PROM1: variants seen among roughly 807,000 people sequenced by gnomAD.
PROM1 encodes prominin-1.
In PROM1, 105 loss-of-function variants were observed where a neutral mutation model predicts 116.9. That is an observed-to-expected ratio of 0.90 (90% CI 0.77 to 1.06). PROM1 has a LOEUF of 1.06. Ranked by LOEUF, PROM1 falls within the 50% of genes least tolerant of loss-of-function variation. The pLI is 0.00. For synonymous variants in PROM1, 393 were observed against 387.0 expected (o/e 1.02, Z -0.18); for missense variants, 1,122 against 1,045.2 (o/e 1.07, Z -1.01).
Position 16,081,320 on chromosome 4 carries a change from A to G in PROM1, c.-213+2658T>C, listed in dbSNP as rs189814984. 4.8e-3 allele frequency among the ~76,000 whole-genome samples: 732 copies of G among 152,286 alleles called. 4 individuals are homozygous for G. Among genetic ancestry groups the G allele is most frequent in the South Asian group, 0.019 (93 of 4,826 alleles). ...ACGGTGCTGGGAAACCTGGCTAGCC[A>G]TATGTAGAAAGCTGAAACTGGATCC... On this transcript the variant is annotated intron_variant, in intron 1 of 27. Coordinates refer to ENST00000447510, the MANE Select transcript of PROM1 (RefSeq NM_006017.3).
chr4:15,983,284 G>A (rs1718428250), intron 23 of PROM1, among the ~76,000 whole-genome samples: 1 of 152,170 alleles, frequency 6.6e-6, no homozygotes, highest in Non-Finnish European at 1.5e-5. Flanking sequence ...TATTCATTGA[G>A]TGCTGATGTT....
chr4:16,026,922 T>TCCCTTA (rs1474805493), intron 5 of PROM1, among the ~76,000 whole-genome samples: 1 of 152,066 alleles, frequency 6.6e-6, no homozygotes, highest in African/African-American at 2.4e-5. Flanking sequence ...CCAAAGAAAA[T>TCCCTTA]CACTTTCTTT....
chr4:16,012,770 C>G (rs1245825128), intron 11 of PROM1, among the ~76,000 whole-genome samples: 2 of 148,564 alleles, frequency 1.3e-5, no homozygotes, highest in Admixed American at 1.4e-4. Flanking sequence ...ACTCAGGAGG[C>G]TGAGGCAGGA....
chr4:16,023,555 C>G (rs557477913), intron 7 of PROM1, 140 bp from the exon 8 acceptor site: 2 of 630,842 alleles, frequency 3.2e-6, no homozygotes, highest in Non-Finnish European at 5.5e-6. Flanking sequence ...GGGTTAAACT[C>G]GTGTATGGAG....
chr4:16,025,195 T>G lies in PROM1; in HGVS notation c.627A>C (p.Pro209=). 6.2e-7 allele frequency: 1 copy of G among 1,613,752 alleles called. No homozygotes were observed. Among genetic ancestry groups the G allele is most frequent in the Non-Finnish European group, 8.5e-7 (1 of 1,179,674 alleles). Residue 209 remains proline (P), a synonymous_variant, in exon 6 of 28, where the codon CCA becomes CCC. Coordinates refer to ENST00000447510, the MANE Select transcript of PROM1 (RefSeq NM_006017.3). ...KDLRTLLNET[P]EQIKYILAQY... ...ACATAGAGATGATGGTTTTTACCTCTGGAGTTTCATTCAAGAGAGTTCGCA... is the reference window on the plus strand; with the variant it reads ...ACATAGAGATGATGGTTTTTACCTCGGGAGTTTCATTCAAGAGAGTTCGCA...
intron 11 of PROM1, among the ~76,000 whole-genome samples, chr4:16,010,796 C>T (rs765785962): frequency 8.5e-5 from 13 of 152,182 alleles, no homozygotes; most frequent in East Asian, 1.9e-4. Flanking sequence ...CCACCACACC[C>T]GGCCCTGGAA....
intron 16 of PROM1, among the ~76,000 whole-genome samples, chr4:15,992,855 T>C (rs1428919354): frequency 4.6e-5 from 7 of 151,936 alleles, no homozygotes; most frequent in African/African-American, 1.5e-4. Flanking sequence ...TAGGAAGAAA[T>C]GGGAGATATC....
intron 23 of PROM1, among the ~76,000 whole-genome samples, chr4:15,983,538 C>T (rs938082123): frequency 2.6e-5 from 4 of 152,106 alleles, no homozygotes; most frequent in African/African-American, 4.8e-5. Context: ...AGAAAGGCGG[C>T]GTGTGCCCAT....
chr4:16,041,389 C>T (rs542293260), intron 2 of PROM1, among the ~76,000 whole-genome samples: 1 of 152,260 alleles, frequency 6.6e-6, no homozygotes, highest in South Asian at 2.1e-4. Flanking sequence ...CTTTCATATA[C>T]ATCAAAGTAT....
Position 15,991,202 on chromosome 4 carries a change from A to G in PROM1, c.1983+20T>C. On this transcript the variant is annotated intron_variant, in intron 18 of 27. Coordinates refer to ENST00000447510, the MANE Select transcript of PROM1 (RefSeq NM_006017.3). Reference sequence around the variant, plus strand: ...ACATCTACAACTACTACAGTATTTAACCGGACGATTTGAACTCACCAAACT... The same window carrying G: ...ACATCTACAACTACTACAGTATTTAGCCGGACGATTTGAACTCACCAAACT... The G allele has an allele frequency of 6.3e-7, 1 of 1,591,594 alleles. No individual in the cohort carries two copies. Among genetic ancestry groups the G allele is most frequent in the Non-Finnish European group, 8.6e-7 (1 of 1,165,250 alleles).
intron 1 of PROM1, chr4:16,079,330 G>C (rs1744564551): frequency 6.6e-6 from 1 of 152,342 alleles, no homozygotes; most frequent in South Asian, 2.1e-4. Flanking sequence ...CCGCAGCAAA[G>C]ATGGGAGACA....
rs1414568332 is a variant in PROM1 at position 16,009,083 on chromosome 4, A to T, written c.1167T>A (p.Ile389=). The T allele has an allele frequency of 2.5e-6, 4 of 1,612,894 alleles. No homozygotes were observed. The African/African-American group carries it at 5.3e-5, about 22-fold the overall frequency. The part of the protein sequence containing the change: ...VAGIKRVLNS[I]GSDIDNVTQR... ...GAGTTACATTGTCGATATCTGAACC[A>T]ATGGAATTCAAGACCCTTTTGATAC... Residue 389 remains isoleucine, a synonymous_variant, in exon 12 of 28, where the codon ATT becomes ATA. Transcript: ENST00000447510.
At position 16,000,571 on chromosome 4, in the gene PROM1, C is replaced by T. The variant is rs1256092730; in HGVS notation, c.1503G>A (p.Val501=). 1 of 1,588,990 alleles carries T rather than the reference C, an allele frequency of 6.3e-7. No individual in the cohort carries two copies. The highest frequency in any genetic ancestry group is 1.1e-5 in the South Asian group (1 of 90,022). The change falls in exon 14 of 28, where the codon GTG becomes GTA. Residue 501 remains valine (V), a synonymous_variant. Transcript: ENST00000447510. ...FLFCWILMII[V]VLTFVFGANV... ...TTGCACCAAAGACAAAGGTAAGAAC[C>T]ACAATGATCATCAATATCCAGCAAA...
chr4:16,014,899 G>A (rs564059171), intron 10 of PROM1, among the ~76,000 whole-genome samples: 25 of 152,292 alleles, frequency 1.6e-4, no homozygotes, highest in African/African-American at 4.6e-4. Flanking sequence ...CTGTCCCTGC[G>A]TTTTTGGGGG....
chr4:16,036,055 G>C (rs1733872990), intron 3 of PROM1, among the ~76,000 whole-genome samples: 1 of 152,164 alleles, frequency 6.6e-6, no homozygotes, highest in Non-Finnish European at 1.5e-5. Context: ...AATTAGAGGG[G>C]AAGTTACAAA....
chr4:16,082,497 G>A (rs1745225381), intron 1 of PROM1: 1 of 152,218 alleles, frequency 6.6e-6, no homozygotes, highest in Non-Finnish European at 1.5e-5. Context: ...ATGAAGCCTG[G>A]GGCGCCGGCT....
intron 13 of PROM1, among the ~76,000 whole-genome samples, chr4:16,004,862 TCTCTCTC>T (rs1724891403): frequency 1.4e-5 from 2 of 138,320 alleles, no homozygotes; most frequent in African/African-American, 2.7e-5. Flanking sequence ...CCTTCCTTCC[TCTCTCTC>T]TCCCTCTCTC....
chr4:16,082,119 G>T (rs1450707335), intron 1 of PROM1: 1 of 152,180 alleles, frequency 6.6e-6, no homozygotes, highest in East Asian at 1.9e-4. Flanking sequence ...CACGCAGCTG[G>T]AAGGCTATCT....
chr4:16,044,994 T>C (rs541155051), intron 2 of PROM1, among the ~76,000 whole-genome samples: 6 of 152,286 alleles, frequency 3.9e-5, no homozygotes, highest in Admixed American at 3.9e-4. Flanking sequence ...GCACAGTGCC[T>C]GGTATATAAT....
Sources: gnomAD v4.1 joint callset for allele counts (sites outside exome capture counted in the v4.1 genomes callset) on GRCh38, gnomAD v4.1.1 for gene constraint, MANE v1.5 for transcripts, NCBI Gene and HGNC (gene_info 2026-07-23, HGNC 2026-07-21) for gene names.